Variants in CFD observed in about 807,000 individuals in gnomAD.
CFD encodes C3 convertase activator.
In CFD, 24 loss-of-function variants were observed where a neutral mutation model predicts 21.1. That is an observed-to-expected ratio of 1.14 (90% CI 0.82 to 1.60). The LOEUF (loss-of-function observed/expected upper bound fraction) is 1.60. Ranked by LOEUF, CFD falls within the 40% of genes most tolerant of loss-of-function variation. The pLI is 0.00. For missense variants in CFD, 535 were observed against 383.3 expected (o/e 1.40, Z -3.31); for synonymous variants, 242 against 175.9 (o/e 1.38, Z -2.97).
Position 863,375 on chromosome 19 carries a change from G to C in CFD, c.*137G>C. ...GGAGGCCGAGGTGGGAGGATCATTG[G>C]ATCTCAGGAGTTCGAGATCAGCATG... On this transcript the variant is annotated 3_prime_UTR_variant, in exon 5 of 5. Transcript: ENST00000327726. 1 of 1,050,090 alleles carries C rather than the reference G, an allele frequency of 9.5e-7. No homozygotes were observed. Among genetic ancestry groups the C allele is most frequent in the Non-Finnish European group, 1.4e-6 (1 of 707,930 alleles). 65.0% of individuals were successfully genotyped at this position (1,050,090 alleles called of 1,614,324 possible). A position where few individuals can be genotyped will look rare whatever the true frequency, so the allele number is the denominator to read the frequency against.
At chr19:860,257 C>G (rs1229886614) in intron 1 of CFD, among the ~76,000 whole-genome samples, 5 of 151,658 alleles carry the variant, frequency 3.3e-5, no homozygotes, top group African/African-American at 2.4e-5. Context: ...GTGGTGCGAT[C>G]TCGGCTCACT....
chr19:860,209 G>A (rs1473593483), intron 1 of CFD, among the ~76,000 whole-genome samples: 1 of 147,352 alleles, frequency 6.8e-6, no homozygotes, highest in Middle Eastern at 3.5e-3. Flanking sequence ...TTTTTTTTTT[G>A]ATAGGGAGTC....
chr19:862,090 A>T, intron 4 of CFD, 134 bp downstream of exon 4: 1 of 1,337,582 alleles, frequency 7.5e-7, no homozygotes, highest in Non-Finnish European at 9.8e-7. Flanking sequence ...CGGGAACTGG[A>T]AGATGGGCGG....
At chr19:861,321 CA>C (rs2035789689) in intron 3 of CFD, among the ~76,000 whole-genome samples, 2 of 62,592 alleles carry the variant, frequency 3.2e-5, no homozygotes, top group Non-Finnish European at 8.0e-5. Context: ...GGAGCCCCCC[CA>C]CCCCCTGCAC....
At chr19:862,677 TAAGG>T (rs1253832326) in intron 4 of CFD, among the ~76,000 whole-genome samples, 15 of 86,144 alleles carry the variant, frequency 1.7e-4, no homozygotes, top group East Asian at 8.2e-4. Flanking sequence ...GGGTGGGGCT[TAAGG>T]GAGGGGCGTG....
At position 860,946 on chromosome 19, in the gene CFD, G is replaced by A. The variant is rs374520010; in HGVS notation, c.298G>A (p.Ala100Thr). The A allele has an allele frequency of 3.7e-6, 6 of 1,600,976 alleles. No individual in the cohort carries two copies. The East Asian group carries it at 8.9e-5, about 24-fold the overall frequency. ...PSKRLYDVLR[A>T]VPHPDSQPDT... ...CAAGCGCCTGTACGACGTGCTCCGC[G>A]CAGTGCCCCACCCGGACAGCCAGCC... Residue 100 changes from alanine (A) to threonine (T), a missense_variant, in exon 3 of 5, where the codon GCA (alanine) becomes ACA (threonine). By Grantham distance (58) the Ala-to-Thr change is moderately conservative. Transcript: ENST00000327726.
At chr19:862,952 A>G (rs1599303397) in intron 4 of CFD, 140 bp from the exon 5 acceptor site, 2 of 827,524 alleles carry the variant, frequency 2.4e-6, no homozygotes, top group East Asian at 5.4e-5. Context: ...GCGCGGGGCT[A>G]TTGACTAGTG....
In CFD at chr19:863,249, C is replaced by G; in HGVS notation, c.*11C>G. The G allele has an allele frequency of 6.5e-7, 1 of 1,547,376 alleles. No homozygotes were observed. The highest frequency in any genetic ancestry group is 8.7e-7 in the Non-Finnish European group (1 of 1,153,058). ...AGCGTCCTGGCCTAGGGTGCCGGGG[C>G]CTGAAGGTCAGGGTCACCCAAGCAA... is the stretch of plus-strand genomic sequence containing the variant. On this transcript the variant is annotated 3_prime_UTR_variant, in exon 5 of 5. Transcript: ENST00000327726.
In CFD at chr19:862,113, G is replaced by C. The variant is rs1389652339; in HGVS notation, c.615+157G>C. Among the ~76,000 whole-genome samples the C allele has an allele frequency of 3.9e-4, 48 of 123,076 alleles. 1 individual carries two copies. The highest frequency in any genetic ancestry group is 1.4e-3 in the African/African-American group (46 of 31,976). 80.7% of individuals were successfully genotyped at this position (123,076 alleles called of 152,430 possible). On this transcript the variant is annotated intron_variant, in intron 4 of 4. Transcript: ENST00000327726. ...GGAAGATGGGCGGAGCATGAGGGTG[G>C]CCCGTGGGCGGGGCCTGTATGAGGG... is the stretch of plus-strand genomic sequence containing the variant.
At position 863,101 on chromosome 19, in the gene CFD, G is replaced by A. The variant is rs1019701292; in HGVS notation, c.625G>A (p.Gly209Arg). The A allele has an allele frequency of 1.4e-5, 22 of 1,524,668 alleles. No individual in the cohort carries two copies. Among genetic ancestry groups the A allele is most frequent in the Admixed American group, 2.0e-5 (1 of 50,718 alleles). The allele number at this position is 1,524,668 out of a possible 1,614,324, so 94.4% of individuals were successfully genotyped here. A position where few individuals can be genotyped will look rare whatever the true frequency, so the allele number is the denominator to read the frequency against. ...NRRDSCKGDS[G>R]GPLVCGGVLE... ...CGTCCTGTTCCGGCAGGGTGACTCC[G>A]GGGGCCCGCTGGTGTGCGGGGGCGT... Residue 209 changes from glycine to arginine, a missense_variant, in exon 5 of 5, where the codon GGG (glycine) becomes AGG (arginine). Gly to Arg is a moderately radical substitution (Grantham distance 125). Transcript: ENST00000327726.
At chr19:862,226 C>A (rs1282720201) in intron 4 of CFD, among the ~76,000 whole-genome samples, 1 of 94,346 alleles carries the variant, frequency 1.1e-5, no homozygotes, top group Non-Finnish European at 2.1e-5. Flanking sequence ...GAAGAAGGGT[C>A]AGGGCGGGCA....
Position 863,546 on chromosome 19 carries a change from G to A in CFD, c.*308G>A. 2.3e-6 allele frequency: 1 copy of A among 437,532 alleles called. No individual in the cohort carries two copies. Among genetic ancestry groups the A allele is most frequent in the Non-Finnish European group, 4.2e-6 (1 of 236,058 alleles). The allele number at this position is 437,532 out of a possible 1,614,324, so 27.1% of individuals were successfully genotyped here. ...GAACGCAGGAGGCTGAGGCTGCAGTGAGTTGTGATTGCACCACTGCCCTCC... is the reference window on the plus strand; with the variant it reads ...GAACGCAGGAGGCTGAGGCTGCAGTAAGTTGTGATTGCACCACTGCCCTCC... On this transcript the variant is annotated 3_prime_UTR_variant, in exon 5 of 5. Coordinates refer to ENST00000327726, the MANE Select transcript of CFD (RefSeq NM_001928.4).
In CFD at chr19:863,114, T is replaced by G. The variant is rs267606720; in HGVS notation, c.638T>G (p.Val213Gly). The change falls in exon 5 of 5, where the codon GTG becomes GGG. Residue 213 changes from valine (V) to glycine (G), a missense_variant. Physicochemically the swap from Val to Gly is moderately radical, Grantham distance 109 (BLOSUM62 -3). Transcript: ENST00000327726. ...SCKGDSGGPLVCGGVLEGVVT... is the reference protein window; with the variant it reads ...SCKGDSGGPLGCGGVLEGVVT... ...CAGGGTGACTCCGGGGGCCCGCTGG[T>G]GTGCGGGGGCGTGCTCGAGGGCGTG... is the stretch of plus-strand genomic sequence containing the variant. 2 of 1,526,666 alleles carry G rather than the reference T, an allele frequency of 1.3e-6. No homozygotes were observed. The highest frequency in any genetic ancestry group is 1.8e-6 in the Non-Finnish European group (2 of 1,139,394). 94.6% of individuals were successfully genotyped at this position (1,526,666 alleles called of 1,614,324 possible). A position where few individuals can be genotyped will look rare whatever the true frequency, so the allele number is the denominator to read the frequency against.
In CFD at chr19:860,987, C is replaced by T. The variant is rs1229881060; in HGVS notation, c.339C>T (p.His113=). The change falls in exon 3 of 5, where the codon CAC becomes CAT. Residue 113 remains histidine (H), a synonymous_variant. Transcript: ENST00000327726. ...ACAGCCAGCCCGACACCATCGACCA[C>T]GACCTCCTGCTGCTACAGGTCGGCC... The part of the protein sequence containing the change: ...HPDSQPDTID[H]DLLLLQLSEK... 3 of 1,598,886 alleles carry T rather than the reference C, an allele frequency of 1.9e-6. No homozygotes were observed. Among genetic ancestry groups the T allele is most frequent in the Non-Finnish European group, 2.5e-6 (3 of 1,179,502 alleles).
chr19:860,679 A>C lies in CFD; in HGVS notation c.118A>C (p.Met40Leu), dbSNP rs1275194838. The C allele has an allele frequency of 2.0e-6, 3 of 1,537,832 alleles. No homozygotes were observed. Among genetic ancestry groups the C allele is most frequent in the Admixed American group, 1.9e-5 (1 of 51,688 alleles). ...GGCCGAGGCGCACGCGCGGCCCTAC[A>C]TGGCGTCGGTGCAGCTGAACGGCGC... The part of the protein sequence containing the change: ...REAEAHARPY[M>L]ASVQLNGAHL... Residue 40 changes from methionine to leucine, a missense_variant, in exon 2 of 5, where the codon ATG becomes CTG. Coordinates refer to ENST00000327726, the MANE Select transcript of CFD (RefSeq NM_001928.4).
rs1292837564 is a variant in CFD, at chr19:861,827, C to T, written c.486C>T (p.Arg162=). ...GCATAGTCAACCACGCGGGCCGCCG[C>T]CCGGACAGCCTGCAGCACGTGCTCT... The part of the protein sequence containing the change: ...GWGIVNHAGR[R]PDSLQHVLLP... The change falls in exon 4 of 5, where the codon CGC becomes CGT. Residue 162 remains arginine, a synonymous_variant. Transcript: ENST00000327726. 1 of 1,601,746 alleles carries T rather than the reference C, an allele frequency of 6.2e-7. No homozygotes were observed. The highest frequency in any genetic ancestry group is 2.2e-5 in the East Asian group (1 of 44,744).
In CFD at chr19:863,412, G is replaced by A. The variant is rs763870576; in HGVS notation, c.*174G>A. Reference sequence around the variant, plus strand: ...TCGAGATCAGCATGGGCCACGTAGCGCGACTCCATCTCTACAAATAAATAA... The same window carrying A: ...TCGAGATCAGCATGGGCCACGTAGCACGACTCCATCTCTACAAATAAATAA... On this transcript the variant is annotated 3_prime_UTR_variant, in exon 5 of 5. Transcript: ENST00000327726. 1.9e-5 allele frequency: 14 copies of A among 718,956 alleles called. No homozygotes were observed. The highest frequency in any genetic ancestry group is 6.8e-5 in the Admixed American group (3 of 44,380). 44.5% of individuals were successfully genotyped at this position (718,956 alleles called of 1,614,324 possible).
chr19:861,667 A>T, intron 3 of CFD, 32 bp from the exon 4 acceptor site: 2 of 1,558,964 alleles, frequency 1.3e-6, no homozygotes, highest in Non-Finnish European at 1.7e-6. Flanking sequence ...GCACCCCCGC[A>T]CCCCAACCCT....
chr19:863,018 C>T, intron 4 of CFD, 74 bp from the exon 5 acceptor site: 1 of 1,390,426 alleles, frequency 7.2e-7, no homozygotes, highest in East Asian at 2.5e-5. Context: ...GAGCGGCAGC[C>T]AGGTGAGGGG....
Sources: allele counts gnomAD v4.1 joint callset (sites outside exome capture counted in the v4.1 genomes callset), GRCh38; gene constraint gnomAD v4.1.1; transcripts MANE v1.5; gene names NCBI Gene and HGNC (gene_info 2026-07-23, HGNC 2026-07-21).